The following FLRT1 variants were observed in gnomAD, a reference collection of about 807,000 sequenced individuals.
FLRT1 encodes the protein fibronectin leucine rich transmembrane protein 1, also known as leucine-rich repeat transmembrane protein FLRT1.
A neutral mutation model predicts 30.9 loss-of-function variants in FLRT1; 14 were observed. That is an observed-to-expected ratio of 0.45 (90% CI 0.30 to 0.71). The LOEUF (loss-of-function observed/expected upper bound fraction) is 0.71. FLRT1 is among the 30% of genes least tolerant of loss of function. The probability of loss-of-function intolerance (pLI) is 0.08; values close to 1 mark genes in which losing one functional copy is unlikely to be tolerated. For synonymous variants in FLRT1, 368 were observed against 430.4 expected, an observed-to-expected ratio of 0.85 and a Z score of 1.80; for missense variants, 737 against 949.2, an observed-to-expected ratio of 0.78 and a Z score of 2.94.
chr11:64,072,094 G>C (rs2134464610), intron 1 of FLRT1, among the ~76,000 whole-genome samples: 2 of 152,366 alleles, frequency 1.3e-5, no homozygotes, highest in South Asian at 4.1e-4. Context: ...CGAATCGACT[G>C]CTGAACTCAT....
chr11:64,076,140 C>T (rs1398601043), intron 1 of FLRT1, among the ~76,000 whole-genome samples: 1 of 152,226 alleles, frequency 6.6e-6, no homozygotes, highest in East Asian at 1.9e-4. Flanking sequence ...CCTGCCCCTG[C>T]CCTGACCCCA....
Position 64,054,764 on chromosome 11 carries a change from C to T in FLRT1, c.-1038+18605C>T, listed in dbSNP as rs369103975. Among the ~76,000 whole-genome samples, 9 of 152,266 alleles carry T rather than the reference C, an allele frequency of 5.9e-5. No homozygotes were observed. The East Asian group carries it at 1.2e-3, about 20-fold the overall frequency. ...GCCTGAACCCCCACCTGGCCAGCCCCTTCCTGCCTTGATGGGTCCTCCTGT... is the reference window on the plus strand; with the variant it reads ...GCCTGAACCCCCACCTGGCCAGCCCTTTCCTGCCTTGATGGGTCCTCCTGT... On this transcript the variant is annotated intron_variant, in intron 1 of 2. Transcript: ENST00000682287.
Position 64,089,673 on chromosome 11 carries a change from G to A in FLRT1, c.-1037-13521G>A, listed in dbSNP as rs565020915. Among the ~76,000 whole-genome samples the A allele has an allele frequency of 2.0e-5, 3 of 152,342 alleles. No homozygotes were observed. The East Asian group carries it at 5.8e-4, about 29-fold the overall frequency. ...TCCTGGGGTGGAGGTGATGCCTTGA[G>A]AGAAGCTGGCCCAGGGCCTGGACAA... On this transcript the variant is annotated intron_variant, in intron 1 of 2. Transcript: ENST00000682287.
intron 1 of FLRT1, among the ~76,000 whole-genome samples, chr11:64,039,112 T>C (rs1943436694): frequency 6.6e-6 from 1 of 152,148 alleles, no homozygotes. Flanking sequence ...CCATCCACTC[T>C]GGTACCTGGC....
chr11:64,073,223 G>A (rs777671088), intron 1 of FLRT1, among the ~76,000 whole-genome samples: 66 of 152,188 alleles, frequency 4.3e-4, no homozygotes, highest in Admixed American at 2.9e-3. Context: ...TCCGGCCATC[G>A]GTTTCTTCAG....
At chr11:64,037,934 G>C (rs760863884) in intron 1 of FLRT1, among the ~76,000 whole-genome samples, 1 of 152,332 alleles carries the variant, frequency 6.6e-6, no homozygotes, top group East Asian at 1.9e-4. Context: ...TGCATTTGAC[G>C]CATGTTGTTA....
intron 2 of FLRT1, among the ~76,000 whole-genome samples, chr11:64,106,584 CCT>C (rs773389612): frequency 3.1e-4 from 47 of 152,222 alleles, no homozygotes; most frequent in African/African-American, 7.5e-4. Flanking sequence ...GTTCTCAGCC[CCT>C]GAGAGGCCCT....
At chr11:64,084,436 T>C (rs973090704) in intron 1 of FLRT1, among the ~76,000 whole-genome samples, 2 of 152,008 alleles carry the variant, frequency 1.3e-5, no homozygotes, top group African/African-American at 2.4e-5. Flanking sequence ...CTCCCTGCAC[T>C]GTGGGCAGGC....
intron 1 of FLRT1, among the ~76,000 whole-genome samples, chr11:64,037,630 T>TC (rs1253912450): frequency 6.6e-6 from 1 of 151,844 alleles, no homozygotes; most frequent in African/African-American, 2.4e-5. Flanking sequence ...GGCTGAAGGG[T>TC]CGGCCATGGG....
intron 1 of FLRT1, among the ~76,000 whole-genome samples, chr11:64,089,526 T>G (rs1175484811): frequency 6.6e-6 from 1 of 152,214 alleles, no homozygotes; most frequent in Non-Finnish European, 1.5e-5. Context: ...AGCCTCCTCC[T>G]GTTATCCATG....
intron 2 of FLRT1, among the ~76,000 whole-genome samples, chr11:64,106,046 G>A (rs1944757615): frequency 1.3e-5 from 2 of 152,176 alleles, no homozygotes; most frequent in African/African-American, 4.8e-5. Flanking sequence ...CAGACAGGCA[G>A]TTGGGCAGTG....
rs1381401511 is a variant in FLRT1 at position 64,067,894 on chromosome 11, G to A, written c.-1038+31735G>A. ...CCTGCTGCTGTCCATTTAGCCAGCG[G>A]TTCGCTCGGCTTTTAGGAGGGGGCT... On this transcript the variant is annotated intron_variant, in intron 1 of 2. Transcript: ENST00000682287. This position sits in a 1 kb window ranked among gnomAD's most constrained non-coding sequence, Gnocchi z 4.6. 6.6e-6 allele frequency among the ~76,000 whole-genome samples: 1 copy of A among 152,156 alleles called. No individual in the cohort carries two copies. Among genetic ancestry groups the A allele is most frequent in the East Asian group, 1.9e-4 (1 of 5,186 alleles).
intron 1 of FLRT1, among the ~76,000 whole-genome samples, chr11:64,047,277 A>G (rs921216661): frequency 4.6e-5 from 7 of 152,130 alleles, no homozygotes; most frequent in Non-Finnish European, 7.3e-5. Context: ...CTGGCCCGAG[A>G]TAAATGGCTT....
intron 1 of FLRT1, among the ~76,000 whole-genome samples, chr11:64,062,080 C>T (rs1381191310): frequency 6.6e-6 from 1 of 151,518 alleles, no homozygotes; most frequent in East Asian, 1.9e-4. Context: ...TGCCCCTTCT[C>T]TGCCTGGGGG....
intron 1 of FLRT1, among the ~76,000 whole-genome samples, chr11:64,075,322 T>A (rs2134473131): frequency 6.6e-6 from 1 of 152,384 alleles, no homozygotes; most frequent in Middle Eastern, 3.4e-3. Flanking sequence ...TCACCCTGTT[T>A]AGACAGAAGT....
In FLRT1 at chr11:64,103,805, G is replaced by A. The variant is rs1944712122; in HGVS notation, c.-426G>A. The A allele has an allele frequency of 6.6e-6, 1 of 152,176 alleles. No homozygotes were observed. The highest frequency in any genetic ancestry group is 1.5e-5 in the Non-Finnish European group (1 of 68,068). The allele number at this position is 152,176 out of a possible 1,614,324, so 9.4% of individuals were successfully genotyped here. A position where few individuals can be genotyped will look rare whatever the true frequency, so the allele number is the denominator to read the frequency against. On this transcript the variant is annotated 5_prime_UTR_variant, in exon 2 of 3. Coordinates refer to ENST00000682287, the MANE Select transcript of FLRT1 (RefSeq NM_013280.5). Reference sequence around the variant, plus strand: ...CTCAGGCCACCCTCGGGAGTCCTGGGGTCCAGAGGGGTGTCCCTGTACCCC... The same window carrying A: ...CTCAGGCCACCCTCGGGAGTCCTGGAGTCCAGAGGGGTGTCCCTGTACCCC...
intron 2 of FLRT1, among the ~76,000 whole-genome samples, chr11:64,106,289 A>C (rs1258605162): frequency 1.3e-5 from 2 of 151,986 alleles, no homozygotes; most frequent in African/African-American, 4.8e-5. Context: ...ACCCTGGGTC[A>C]CCATGACGTC....
rs185115330 is a variant in FLRT1, at chr11:64,117,182, C to T, written c.915C>T (p.Asn305=). The T allele has an allele frequency of 6.2e-7, 1 of 1,614,092 alleles. No homozygotes were observed. Among genetic ancestry groups the T allele is most frequent in the East Asian group, 2.2e-5 (1 of 44,876 alleles). The change falls in exon 3 of 3, where the codon AAC becomes AAT. Residue 305 remains asparagine (N), a synonymous_variant. Transcript: ENST00000682287. ...ELERLDLSNN[N]LTTLPRGLFD... ...AGCGGCTGGACCTGTCCAACAACAACCTGACCACGCTGCCCCGCGGCCTGT... is the reference window on the plus strand; with the variant it reads ...AGCGGCTGGACCTGTCCAACAACAATCTGACCACGCTGCCCCGCGGCCTGT...
chr11:64,066,710 T>A (rs1252230220), intron 1 of FLRT1, among the ~76,000 whole-genome samples: 1 of 151,328 alleles, frequency 6.6e-6, no homozygotes, highest in Non-Finnish European at 1.5e-5. Flanking sequence ...AAGGTGGGAA[T>A]ACGATGAGAG....
Sources: gnomAD v4.1 joint callset for allele counts (sites outside exome capture counted in the v4.1 genomes callset) on GRCh38, gnomAD v4.1.1 for gene constraint, Gnocchi (gnomAD v3.1) non-coding constraint, MANE v1.5 for transcripts, NCBI Gene and HGNC (gene_info 2026-07-23, HGNC 2026-07-21) for gene names.